Variants in NKAIN2 observed in about 807,000 individuals in gnomAD.
NKAIN2 encodes sodium/potassium-transporting ATPase subunit beta-1-interacting protein 2.
NKAIN2 carries 14 observed loss-of-function variants against 32.6 expected under a neutral mutation model. The observed-to-expected ratio is 0.43, with a 90% CI of 0.28 to 0.67. The LOEUF (loss-of-function observed/expected upper bound fraction) is 0.67. NKAIN2 is among the 30% of genes least tolerant of loss of function. The pLI is 0.17. For synonymous variants in NKAIN2, 80 were observed against 87.2 expected (o/e 0.92, Z 0.46); for missense variants, 198 against 258.3 (o/e 0.77, Z 1.60).
At chr6:124,355,391 C>T (rs1044711893) in intron 3 of NKAIN2, 44 bp downstream of exon 3, 1 of 1,075,750 alleles carries the variant, frequency 9.3e-7, no homozygotes, top group Non-Finnish European at 1.4e-6. Context: ...AGGGTGTTAA[C>T]AAGTCTCTTC....
At chr6:124,388,183 C>CAA (rs71753088) in intron 3 of NKAIN2, among the ~76,000 whole-genome samples, 26 of 147,530 alleles carry the variant, frequency 1.8e-4, no homozygotes, top group African/African-American at 5.2e-4. Flanking sequence ...ATTAATTTTA[C>CAA]AAAAAAAAAA....
At chr6:124,809,184 A>T (rs945637478) in intron 5 of NKAIN2, among the ~76,000 whole-genome samples, 1 of 152,016 alleles carries the variant, frequency 6.6e-6, no homozygotes, top group Non-Finnish European at 1.5e-5. Context: ...AGTCAATCCT[A>T]AGCCAAAAGA....
In NKAIN2 at chr6:124,072,802, CTGT is replaced by C. The variant is rs572149411; in HGVS notation, c.55-210198_55-210196del. The stretch of plus-strand genomic sequence containing the variant: ...TCTTTCTTCTTTGACCTGTGTACCC[CTGT>C]TGTTAACTCACAATAATATACCTTG... On this transcript the variant is annotated intron_variant, in intron 1 of 6. Coordinates refer to ENST00000368417, the MANE Select transcript of NKAIN2 (RefSeq NM_001040214.3). Among the ~76,000 whole-genome samples the C allele has an allele frequency of 4.3e-3, 658 of 152,290 alleles. 2 individuals carry two copies. Among genetic ancestry groups the C allele is most frequent in the Middle Eastern group, 0.024 (7 of 294 alleles).
At chr6:124,642,004 CT>C (rs1201333976) in intron 3 of NKAIN2, among the ~76,000 whole-genome samples, 1 of 152,090 alleles carries the variant, frequency 6.6e-6, no homozygotes, top group African/African-American at 2.4e-5. Flanking sequence ...GGAGTTAACC[CT>C]AGCTATGGTG....
intron 4 of NKAIN2, among the ~76,000 whole-genome samples, chr6:124,712,086 G>C (rs992747734): frequency 6.6e-6 from 1 of 151,646 alleles, no homozygotes; most frequent in Admixed American, 6.6e-5. Context: ...CGTGTGAGGT[G>C]TCAGTGTGCC....
chr6:124,105,504 G>A (rs1785077873), intron 1 of NKAIN2, among the ~76,000 whole-genome samples: 1 of 152,148 alleles, frequency 6.6e-6, no homozygotes, highest in East Asian at 1.9e-4. Flanking sequence ...CTGTAGTTGA[G>A]ACTACAGTGT....
intron 1 of NKAIN2, among the ~76,000 whole-genome samples, chr6:123,999,248 A>G (rs909021444): frequency 9.9e-5 from 15 of 152,278 alleles, no homozygotes; most frequent in African/African-American, 3.6e-4. Flanking sequence ...TACATTATTC[A>G]TGAAAATGAG....
At chr6:124,329,780 CA>C (rs1317859835) in intron 2 of NKAIN2, among the ~76,000 whole-genome samples, 1 of 152,156 alleles carries the variant, frequency 6.6e-6, no homozygotes, top group African/African-American at 2.4e-5. Flanking sequence ...GCTATGTGAC[CA>C]ATGGGTATCT....
rs746571671 is a variant in NKAIN2 at position 124,823,211 on chromosome 6, C to T, written c.618-9C>T. On this transcript the variant is annotated splice_polypyrimidine_tract_variant and intron_variant, in intron 6 of 6. Transcript: ENST00000368417. ...CCCCTTGACTAAAAACATCTTTTCT[C>T]TCTCTCAGGTCAAAATAATACAGAT... 1 of 1,590,746 alleles carries T rather than the reference C, an allele frequency of 6.3e-7. No individual in the cohort carries two copies. The highest frequency in any genetic ancestry group is 8.6e-7 in the Non-Finnish European group (1 of 1,158,294).
chr6:124,439,358 GTT>G (rs35754541), intron 3 of NKAIN2, among the ~76,000 whole-genome samples: 38 of 146,548 alleles, frequency 2.6e-4, no homozygotes, highest in African/African-American at 7.9e-4. Context: ...TCCACTTGTT[GTT>G]TTTTTTTTTT....
rs529205416 is a variant in NKAIN2, at chr6:124,667,338, T to C, written c.474+8952T>C. Among the ~76,000 whole-genome samples the C allele has an allele frequency of 7.9e-5, 12 of 152,282 alleles. No individual in the cohort carries two copies. In the East Asian group the frequency reaches 2.1e-3, roughly 27 times the overall value. On this transcript the variant is annotated intron_variant, in intron 4 of 6. Transcript: ENST00000368417. ...TGTGAGATTTAAAAGTTGAAATTGT[T>C]TGCATACAATGTTGTGCAATAAACA...
chr6:124,487,573 C>T lies in NKAIN2; in HGVS notation c.273+132226C>T, dbSNP rs145069183. On this transcript the variant is annotated intron_variant, in intron 3 of 6. Coordinates refer to ENST00000368417, the MANE Select transcript of NKAIN2 (RefSeq NM_001040214.3). ...ATACGCATTTGAATAGTTGGACTGC[C>T]CATTTTCCGGCACTCACAGCTGTAA... 4.9e-3 allele frequency among the ~76,000 whole-genome samples: 745 copies of T among 152,210 alleles called. 6 individuals carry two copies. The highest frequency in any genetic ancestry group is 0.017 in the African/African-American group (717 of 41,546).
chr6:124,015,396 A>G (rs1409982825), intron 1 of NKAIN2, among the ~76,000 whole-genome samples: 1 of 152,002 alleles, frequency 6.6e-6, no homozygotes, highest in Non-Finnish European at 1.5e-5. Context: ...AATCATATTG[A>G]TTTTTCTGAT....
rs1312397255 is a variant in NKAIN2, at chr6:124,707,253, G to C, written c.474+48867G>C. On this transcript the variant is annotated intron_variant, in intron 4 of 6. Transcript: ENST00000368417. ...TCCAGTCTATCATTGTTGGACATTT[G>C]GGTTGGTTCCAAGTCTTTGCTACTG... Among the ~76,000 whole-genome samples, 9 of 152,040 alleles carry C rather than the reference G, an allele frequency of 5.9e-5. No homozygotes were observed. In the South Asian group the frequency reaches 1.0e-3, roughly 18 times the overall value.
chr6:123,983,648 C>G (rs558668139), intron 1 of NKAIN2, among the ~76,000 whole-genome samples: 3 of 152,104 alleles, frequency 2.0e-5, no homozygotes, highest in Admixed American at 2.0e-4. Context: ...ACTACCCCCC[C>G]ACCTCTTGTC....
intron 5 of NKAIN2, among the ~76,000 whole-genome samples, chr6:124,815,330 A>G (rs985557983): frequency 1.7e-4 from 25 of 148,242 alleles, no homozygotes; most frequent in African/African-American, 5.4e-4. Flanking sequence ...CTGGAGTGCA[A>G]TGGCATGATC....
At chr6:124,514,774 A>C (rs980937204) in intron 3 of NKAIN2, among the ~76,000 whole-genome samples, 5 of 151,874 alleles carry the variant, frequency 3.3e-5, no homozygotes. Context: ...TGAAAAAAAA[A>C]AAAAAAAGCT....
chr6:124,807,667 C>CA lies in NKAIN2; in HGVS notation c.536-10714dup, dbSNP rs1402659164. ...AGCAGAACTGAAGGAAATAGAGACA[C>CA]AAAAAACCCTTCAAAAAATTAATGA... On this transcript the variant is annotated intron_variant, in intron 5 of 6. Coordinates refer to ENST00000368417, the MANE Select transcript of NKAIN2 (RefSeq NM_001040214.3). Among the ~76,000 whole-genome samples the CA allele has an allele frequency of 3.7e-3, 551 of 149,312 alleles. 2 individuals carry two copies. The highest frequency in any genetic ancestry group is 0.013 in the African/African-American group (519 of 40,484).
At chr6:124,629,513 T>C (rs996464637) in intron 3 of NKAIN2, among the ~76,000 whole-genome samples, 1 of 152,144 alleles carries the variant, frequency 6.6e-6, no homozygotes, top group Non-Finnish European at 1.5e-5. Flanking sequence ...TGGGGAGGAA[T>C]AATTTATCGA....
Sources: allele counts gnomAD v4.1 joint callset (sites outside exome capture counted in the v4.1 genomes callset), GRCh38; gene constraint gnomAD v4.1.1; transcripts MANE v1.5; gene names NCBI Gene and HGNC (gene_info 2026-07-23, HGNC 2026-07-21).